Variants in DRGX observed in about 807,000 individuals in gnomAD.
DRGX encodes the protein dorsal root ganglia homeobox protein.
Under a neutral mutation model 28.6 loss-of-function variants are expected in DRGX, and 21 were observed. The ratio of observed to expected loss-of-function variants is 0.73; its 90% CI spans 0.52 to 1.06. The LOEUF is 1.06. DRGX is among the 50% of genes least tolerant of loss of function. The probability of loss-of-function intolerance (pLI) is 0.00; values close to 1 mark genes in which losing one functional copy is unlikely to be tolerated. For synonymous variants in DRGX, 136 were observed against 139.1 expected (o/e 0.98, Z 0.16); for missense variants, 354 against 343.9 (o/e 1.03, Z -0.23).
intron 2 of DRGX, 165 bp from the exon 3 acceptor site, chr10:49,391,426 C>T: frequency 1.6e-6 from 1 of 635,368 alleles, no homozygotes; most frequent in East Asian, 2.7e-5. Flanking sequence ...CTTTTCCACT[C>T]TGTCCCCAAA....
intron 2 of DRGX, among the ~76,000 whole-genome samples, chr10:49,394,767 G>C (rs537101098): frequency 6.6e-6 from 1 of 152,342 alleles, no homozygotes; most frequent in African/African-American, 2.4e-5. Flanking sequence ...GGAAATTCTG[G>C]CCTGGGGAGT....
rs181178515 is a variant in DRGX at position 49,388,386 on chromosome 10, C to T, written c.235-1528G>A. On this transcript the variant is annotated intron_variant, in intron 4 of 6. Transcript: ENST00000374139. ...GCTGGCACACTGGCCCCAGAGAGAG[C>T]CTGGGTCCTTGAGGCTGAGCCCTCT... is the stretch of plus-strand genomic sequence containing the variant. Among the ~76,000 whole-genome samples the T allele has an allele frequency of 7.3e-3, 1,107 of 152,372 alleles. 12 individuals carry two copies. The highest frequency in any genetic ancestry group is 0.025 in the African/African-American group (1,046 of 41,590).
At chr10:49,388,031 C>G (rs1849859573) in intron 4 of DRGX, among the ~76,000 whole-genome samples, 1 of 152,218 alleles carries the variant, frequency 6.6e-6, no homozygotes. Context: ...CCATCCATCA[C>G]TCAGTAAACA....
chr10:49,366,177 T>A lies in DRGX; in HGVS notation c.731A>T (p.Asp244Val). The A allele has an allele frequency of 6.2e-7, 1 of 1,612,744 alleles. No individual in the cohort carries two copies. The highest frequency in any genetic ancestry group is 8.5e-7 in the Non-Finnish European group (1 of 1,179,218). Residue 244 changes from aspartate (D) to valine (V), a missense_variant, in exon 7 of 7, where the codon GAT becomes GTT. Coordinates refer to ENST00000374139, the MANE Select transcript of DRGX (RefSeq NM_001276451.2). Reference protein sequence around the residue: ...PGPVAKPAPPDGSQEKTSPTK... With the variant: ...PGPVAKPAPPVGSQEKTSPTK... Reference sequence around the variant, plus strand: ...GGGAGAGGTCTTTTCCTGGCTGCCATCTGGGGGCGCCGGCTTGGCGACAGG... The same window carrying A: ...GGGAGAGGTCTTTTCCTGGCTGCCAACTGGGGGCGCCGGCTTGGCGACAGG...
chr10:49,368,685 G>A (rs1849624671), intron 6 of DRGX, among the ~76,000 whole-genome samples: 1 of 152,256 alleles, frequency 6.6e-6, no homozygotes, highest in African/African-American at 2.4e-5. Context: ...AGCACCTAAT[G>A]TGTGAAGACA....
chr10:49,393,801 T>C (rs1165261666), intron 2 of DRGX, among the ~76,000 whole-genome samples: 1 of 152,160 alleles, frequency 6.6e-6, no homozygotes, highest in Non-Finnish European at 1.5e-5. Flanking sequence ...AGCACTGAGG[T>C]GGGATGTGCC....
At chr10:49,368,722 C>G (rs1442313987) in intron 6 of DRGX, among the ~76,000 whole-genome samples, 1 of 152,228 alleles carries the variant, frequency 6.6e-6, no homozygotes, top group African/African-American at 2.4e-5. Context: ...GGTGGTCCCC[C>G]TTGGAGAGGG....
At chr10:49,391,668 G>A (rs147839769) in intron 2 of DRGX, among the ~76,000 whole-genome samples, 301 of 152,052 alleles carry the variant, frequency 2.0e-3, no homozygotes, top group African/African-American at 6.8e-3. Context: ...GTCTCCCTTT[G>A]GCTCATATGG....
intron 6 of DRGX, among the ~76,000 whole-genome samples, chr10:49,380,396 C>G (rs1272181172): frequency 6.6e-6 from 1 of 152,188 alleles, no homozygotes; most frequent in Non-Finnish European, 1.5e-5. Flanking sequence ...GCCTCCCTGG[C>G]CATTAATAAC....
chr10:49,395,655 A>T, intron 1 of DRGX, 134 bp from the exon 2 acceptor site: 1 of 626,316 alleles, frequency 1.6e-6, no homozygotes, highest in Non-Finnish European at 2.8e-6. Context: ...GACAGGAGGG[A>T]AGGCGGCAGC....
chr10:49,374,012 A>G (rs926123771), intron 6 of DRGX, among the ~76,000 whole-genome samples: 1 of 152,216 alleles, frequency 6.6e-6, no homozygotes, highest in Non-Finnish European at 1.5e-5. Context: ...ATGACATTTT[A>G]AAATGTTCCA....
chr10:49,370,864 C>T (rs1385282438), intron 6 of DRGX, among the ~76,000 whole-genome samples: 3 of 152,228 alleles, frequency 2.0e-5, no homozygotes, highest in African/African-American at 7.2e-5. Flanking sequence ...TTCACAGTAA[C>T]TTCACTGCCA....
At chr10:49,369,897 A>T (rs2132469506) in intron 6 of DRGX, among the ~76,000 whole-genome samples, 1 of 152,146 alleles carries the variant, frequency 6.6e-6, no homozygotes, top group South Asian at 2.1e-4. Flanking sequence ...ACAATCTTCA[A>T]AGCCCCTTGA....
intron 2 of DRGX, among the ~76,000 whole-genome samples, chr10:49,392,902 A>C (rs1453600694): frequency 6.6e-6 from 1 of 152,242 alleles, no homozygotes; most frequent in Non-Finnish European, 1.5e-5. Context: ...TTTTGAAGAA[A>C]AAATGAGGTG....
At chr10:49,391,381 AGG>A (rs907143611) in intron 2 of DRGX, 120 bp from the exon 3 acceptor site, 37 of 756,788 alleles carry the variant, frequency 4.9e-5, no homozygotes, top group Non-Finnish European at 7.0e-5. Flanking sequence ...TTTGTCCCAA[AGG>A]ATATTTTTCT....
At chr10:49,370,465 T>A (rs1366626001) in intron 6 of DRGX, among the ~76,000 whole-genome samples, 1 of 152,150 alleles carries the variant, frequency 6.6e-6, no homozygotes, top group Non-Finnish European at 1.5e-5. Flanking sequence ...CCTTTCCTCA[T>A]CTGCACCCCA....
intron 1 of DRGX, 147 bp from the exon 2 acceptor site, chr10:49,395,668 C>T (rs1259592252): frequency 2.9e-5 from 18 of 616,498 alleles, no homozygotes; most frequent in Non-Finnish European, 5.2e-5. Context: ...GCGGCAGCCC[C>T]GTCGCAAGCA....
intron 6 of DRGX, among the ~76,000 whole-genome samples, chr10:49,369,593 G>A (rs1157903741): frequency 1.3e-5 from 2 of 152,126 alleles, no homozygotes; most frequent in Non-Finnish European, 2.9e-5. Context: ...ACCTGGGGCC[G>A]GGGAGGGGAA....
In DRGX at chr10:49,386,682, C is replaced by G. The variant is rs1260997843; in HGVS notation, c.411G>C (p.Gln137His). Residue 137 changes from glutamine to histidine, a missense_variant and splice_region_variant, in exon 5 of 7, where the codon CAG (glutamine) becomes CAC (histidine). Physicochemically the swap from Gln to His is conservative, Grantham distance 24. Transcript: ENST00000374139. Reference sequence around the variant, plus strand: ...GGCCCAGAGACCCACAGCCTCACCTCTGCTGGGCCTCCAGCGCCTCCTTCT... The same window carrying G: ...GGCCCAGAGACCCACAGCCTCACCTGTGCTGGGCCTCCAGCGCCTCCTTCT... ...RSKKEALEAQ[Q>H]SLGRTVGPAG... The G allele has an allele frequency of 6.3e-7, 1 of 1,578,096 alleles. No homozygotes were observed. The highest frequency in any genetic ancestry group is 1.8e-5 in the Admixed American group (1 of 55,464).
Sources: gnomAD v4.1 joint callset for allele counts (sites outside exome capture counted in the v4.1 genomes callset) on GRCh38, gnomAD v4.1.1 for gene constraint, MANE v1.5 for transcripts, NCBI Gene and HGNC (gene_info 2026-07-23, HGNC 2026-07-21) for gene names.